The following SGK1 variants were observed in gnomAD, a reference collection of about 807,000 sequenced individuals.
SGK1 encodes the protein serum/glucocorticoid regulated kinase 1.
In SGK1, 26 loss-of-function variants were observed where a neutral mutation model predicts 64.2. That is an observed-to-expected ratio of 0.40 (90% CI 0.30 to 0.56). SGK1 has a LOEUF of 0.56. Ranked by LOEUF, SGK1 falls within the 20% of genes least tolerant of loss-of-function variation. The pLI is 0.38. For synonymous variants in SGK1, 265 were observed against 239.7 expected (o/e 1.11, Z -0.98); for missense variants, 519 against 645.6 (o/e 0.80, Z 2.12).
intron 1 of SGK1, among the ~76,000 whole-genome samples, chr6:134,286,511 T>C (rs1330319074): frequency 1.3e-5 from 2 of 148,706 alleles, no homozygotes; most frequent in Admixed American, 6.7e-5. Context: ...AGACGGAGTC[T>C]CGCTGAGTGC....
intron 2 of SGK1, chr6:134,257,049 C>T (rs1197701638): frequency 2.0e-5 from 3 of 152,324 alleles, no homozygotes; most frequent in Non-Finnish European, 4.4e-5. Flanking sequence ...ACGGCCATAC[C>T]ACCCTGAACA....
intron 3 of SGK1, among the ~76,000 whole-genome samples, chr6:134,183,794 GT>G (rs1775373046): frequency 6.6e-6 from 1 of 152,048 alleles, no homozygotes; most frequent in Non-Finnish European, 1.5e-5. Flanking sequence ...TCCTGGCATG[GT>G]TTCCTATAAT....
chr6:134,183,127 A>C (rs1258557525), intron 3 of SGK1, among the ~76,000 whole-genome samples: 1 of 152,202 alleles, frequency 6.6e-6, no homozygotes, highest in Non-Finnish European at 1.5e-5. Flanking sequence ...TGTTAGTTTT[A>C]ATCATTCAGA....
At chr6:134,299,244 A>C (rs1419255665) in intron 1 of SGK1, among the ~76,000 whole-genome samples, 1 of 150,714 alleles carries the variant, frequency 6.6e-6, no homozygotes, top group Non-Finnish European at 1.5e-5. Flanking sequence ...TCATGCCTAT[A>C]GTTCCAGCTA....
intron 2 of SGK1, among the ~76,000 whole-genome samples, chr6:134,247,812 G>A (rs1427560869): frequency 1.3e-5 from 2 of 152,116 alleles, no homozygotes; most frequent in Non-Finnish European, 1.5e-5. Flanking sequence ...TTCAGCCTGT[G>A]CATTTGCAAA....
intron 1 of SGK1, among the ~76,000 whole-genome samples, chr6:134,315,225 A>C (rs980012424): frequency 2.0e-5 from 3 of 152,168 alleles, no homozygotes; most frequent in Non-Finnish European, 4.4e-5. Context: ...AAATCAAAGA[A>C]TTTATCCCTG....
At chr6:134,211,813 G>T (rs1386252567) in intron 2 of SGK1, among the ~76,000 whole-genome samples, 1 of 148,682 alleles carries the variant, frequency 6.7e-6, no homozygotes, top group Non-Finnish European at 1.5e-5. Flanking sequence ...GACTGAGGTT[G>T]CAGTGAGCCG....
intron 3 of SGK1, among the ~76,000 whole-genome samples, chr6:134,206,673 C>G (rs1239888334): frequency 2.0e-5 from 3 of 151,044 alleles, no homozygotes; most frequent in South Asian, 2.1e-4. Context: ...TCGAGACCAG[C>G]CTGGCTAACA....
chr6:134,210,171 C>T (rs988966943), intron 2 of SGK1, among the ~76,000 whole-genome samples: 10 of 152,048 alleles, frequency 6.6e-5, no homozygotes, highest in African/African-American at 2.2e-4. Flanking sequence ...TGTCTACTGA[C>T]GGATAAATTG....
Position 134,262,101 on chromosome 6 carries a change from C to A in SGK1, c.117G>T (p.Gln39His), listed in dbSNP as rs181406034. 1.1e-5 allele frequency: 17 copies of A among 1,611,882 alleles called. No individual in the cohort carries two copies. In the Admixed American group the frequency reaches 2.0e-4, roughly 19 times the overall value. The change falls in exon 2 of 14, where the codon CAG (glutamine) becomes CAT (histidine). Residue 39 changes from glutamine to histidine, a missense_variant. Gln to His is a conservative substitution (Grantham distance 24). Coordinates refer to ENST00000367858, the MANE Select transcript of SGK1 (RefSeq NM_001143676.3). ...AGCCGGTGTACTTCAGGCTGGGACT[C>A]TGATGCTTGTCCACACTGACCATTG... ...KSPMVSVDKH[Q>H]SPSLKYTGSS...
rs55932330 is a variant in SGK1, at chr6:134,171,036, G to A, written c.1310C>T (p.Ala437Val). 43 of 1,614,000 alleles carry A rather than the reference G, an allele frequency of 2.7e-5. No homozygotes were observed. Among genetic ancestry groups the A allele is most frequent in the Non-Finnish European group, 3.5e-5 (41 of 1,180,002 alleles). Residue 437 changes from alanine to valine, a missense_variant, in exon 12 of 14, where the codon GCC becomes GTC. Transcript: ENST00000367858. ...LQKDRTKRLGAKDDFMEIKSH... is the reference protein window; with the variant it reads ...LQKDRTKRLGVKDDFMEIKSH... ...AACATCACTCACGAAGTCATCCTTG[G>A]CCCCGAGCCGCTTTGTCCTGTCCTT...
chr6:134,174,451 T>C, intron 4 of SGK1, 60 bp downstream of exon 4: 1 of 1,259,334 alleles, frequency 7.9e-7, no homozygotes, highest in Non-Finnish European at 1.2e-6. Flanking sequence ...GTGATGAGAA[T>C]GTTTACCGCT....
At chr6:134,232,709 G>A (rs1052322457) in intron 2 of SGK1, among the ~76,000 whole-genome samples, 6 of 151,950 alleles carry the variant, frequency 3.9e-5, no homozygotes, top group Admixed American at 3.9e-4. Context: ...AAATTAGCTG[G>A]GTGTGGTTGT....
At chr6:134,259,408 G>A (rs1286376752) in intron 2 of SGK1, among the ~76,000 whole-genome samples, 1 of 151,798 alleles carries the variant, frequency 6.6e-6, no homozygotes, top group Non-Finnish European at 1.5e-5. Flanking sequence ...GGGAGGCTGA[G>A]GCAGGCAGAT....
Position 134,217,472 on chromosome 6 carries a change from G to A in SGK1, c.286-10041C>T, listed in dbSNP as rs138815470. Among the ~76,000 whole-genome samples the A allele has an allele frequency of 9.6e-4, 146 of 152,244 alleles. 3 individuals are homozygous for A. In the South Asian group the frequency reaches 0.02, roughly 21 times the overall value. On this transcript the variant is annotated intron_variant, in intron 2 of 13. Coordinates refer to ENST00000367858, the MANE Select transcript of SGK1 (RefSeq NM_001143676.3). Reference sequence around the variant, plus strand: ...GACCACTACTGCCTTTGGATCCTGGGTGGTGGGCTTCACTCACACAGTCGA... The same window carrying A: ...GACCACTACTGCCTTTGGATCCTGGATGGTGGGCTTCACTCACACAGTCGA...
chr6:134,231,258 T>G (rs895520216), intron 2 of SGK1, among the ~76,000 whole-genome samples: 2 of 152,220 alleles, frequency 1.3e-5, no homozygotes, highest in African/African-American at 4.8e-5. Context: ...CATTCCTCAA[T>G]GATCCAAGCT....
At chr6:134,207,970 G>A (rs1346620412) in intron 2 of SGK1, among the ~76,000 whole-genome samples, 1 of 152,178 alleles carries the variant, frequency 6.6e-6, no homozygotes, top group Non-Finnish European at 1.5e-5. Flanking sequence ...GGAGTGCAGT[G>A]GTGCAATCTC....
intron 1 of SGK1, among the ~76,000 whole-genome samples, chr6:134,301,465 A>T (rs545948545): frequency 2.6e-5 from 4 of 152,202 alleles, no homozygotes; most frequent in Non-Finnish European, 4.4e-5. Flanking sequence ...AGAAGCCACA[A>T]CTGAGTATTC....
At chr6:134,291,374 G>C (rs1777262290) in intron 1 of SGK1, among the ~76,000 whole-genome samples, 1 of 152,182 alleles carries the variant, frequency 6.6e-6, no homozygotes, top group African/African-American at 2.4e-5. Context: ...CTATGCTACA[G>C]TTCCACATCA....
Sources: allele counts gnomAD v4.1 joint callset (sites outside exome capture counted in the v4.1 genomes callset), GRCh38; gene constraint gnomAD v4.1.1; transcripts MANE v1.5; gene names NCBI Gene and HGNC (gene_info 2026-07-23, HGNC 2026-07-21).